The following PRR16 variants were observed in gnomAD, a reference collection of about 807,000 sequenced individuals.
The protein encoded by PRR16 is proline rich 16, also known as protein Largen.
Under a neutral mutation model 18.2 loss-of-function variants are expected in PRR16, and 6 were observed. That is an observed-to-expected ratio of 0.33 (90% CI 0.18 to 0.65). The LOEUF (loss-of-function observed/expected upper bound fraction) is 0.65, where lower values mean the gene tolerates loss of function less well. PRR16 is among the 30% of genes least tolerant of loss of function. PRR16 has a pLI of 0.74. For missense variants in PRR16, 412 were observed against 376.6 expected, an observed-to-expected ratio of 1.09 and a Z score of -0.78; for synonymous variants, 151 against 147.8, an observed-to-expected ratio of 1.02 and a Z score of -0.16.
intron 1 of PRR16, among the ~76,000 whole-genome samples, chr5:120,532,478 ATAAT>A (rs1223672698): frequency 6.6e-6 from 1 of 152,040 alleles, no homozygotes; most frequent in Non-Finnish European, 1.5e-5. Context: ...CTTTATAGAG[ATAAT>A]TAAATTAATT....
chr5:120,747,887 T>C, the PRR16 span, among the ~76,000 whole-genome samples: 1 of 152,138 alleles, frequency 6.6e-6, no homozygotes, highest in South Asian at 2.1e-4. Flanking sequence ...CAATTATGCG[T>C]ACTCTTAGTT....
At chr5:120,588,720 A>G (rs888550027) in intron 1 of PRR16, among the ~76,000 whole-genome samples, 1 of 152,272 alleles carries the variant, frequency 6.6e-6, no homozygotes, top group South Asian at 2.1e-4. Context: ...ATATTTGTAA[A>G]TTATATGCCT....
At chr5:120,559,623 CT>C (rs1752516104) in intron 1 of PRR16, among the ~76,000 whole-genome samples, 1 of 151,690 alleles carries the variant, frequency 6.6e-6, no homozygotes, top group Non-Finnish European at 1.5e-5. Context: ...GTAGCTTTGG[CT>C]GTTCTGGGTC....
chr5:120,754,272 AAT>A, the PRR16 span, among the ~76,000 whole-genome samples: 2 of 84,564 alleles, frequency 2.4e-5, no homozygotes, highest in African/African-American at 1.2e-4. Context: ...ATAAATATAA[AAT>A]AATATATAAA....
At chr5:120,487,467 A>G (rs1256476842) in intron 1 of PRR16, among the ~76,000 whole-genome samples, 1 of 152,094 alleles carries the variant, frequency 6.6e-6, no homozygotes, top group Non-Finnish European at 1.5e-5. Context: ...TTGGTGTATA[A>G]GAATGCTTGT....
At chr5:120,600,489 A>G (rs944253377) in intron 1 of PRR16, among the ~76,000 whole-genome samples, 2 of 151,920 alleles carry the variant, frequency 1.3e-5, no homozygotes, top group African/African-American at 2.4e-5. Context: ...TAAGAGCAGC[A>G]TGTAAGAGGT....
rs1416916340 is a variant in PRR16, at chr5:120,574,617, A to G, written c.159+109972A>G. Among the ~76,000 whole-genome samples, 8 of 149,534 alleles carry G rather than the reference A, an allele frequency of 5.3e-5. 1 individual carries two copies. Among genetic ancestry groups the G allele is most frequent in the African/African-American group, 2.1e-4 (8 of 38,924 alleles). On this transcript the variant is annotated intron_variant, in intron 1 of 1. Transcript: ENST00000407149. ...ACTCTGTCTCAAAAACAAAAACAACAACGACGAAAAAAGGATATCCAAATT... is the reference window on the plus strand; with the variant it reads ...ACTCTGTCTCAAAAACAAAAACAACGACGACGAAAAAAGGATATCCAAATT...
At chr5:120,545,654 A>G (rs935139074) in intron 1 of PRR16, among the ~76,000 whole-genome samples, 1 of 152,124 alleles carries the variant, frequency 6.6e-6, no homozygotes, top group Non-Finnish European at 1.5e-5. Context: ...GTGGAGAAAT[A>G]TCCTAAAACC....
rs115305671 is a variant in PRR16, at chr5:120,468,087, C to T, written c.159+3442C>T. Among the ~76,000 whole-genome samples, 478 of 152,014 alleles carry T rather than the reference C, an allele frequency of 3.1e-3. 4 individuals are homozygous for T. Among genetic ancestry groups the T allele is most frequent in the African/African-American group, 0.011 (462 of 41,488 alleles). ...ACTCTCACTGCAGGCTTGGGGAAAT[C>T]GAGAATTGAGAATGAGAGTGAGTAT... is the stretch of plus-strand genomic sequence containing the variant. On this transcript the variant is annotated intron_variant, in intron 1 of 1. Transcript: ENST00000407149.
intron 1 of PRR16, among the ~76,000 whole-genome samples, chr5:120,467,382 GTCA>G (rs1749137378): frequency 6.6e-6 from 1 of 152,140 alleles, no homozygotes; most frequent in African/African-American, 2.4e-5. Context: ...CACTATGGCA[GTCA>G]TCATATAGTA....
rs1254605371 is a variant in PRR16, at chr5:120,540,631, C to T, written c.159+75986C>T. Among the ~76,000 whole-genome samples the T allele has an allele frequency of 2.0e-5, 3 of 152,250 alleles. No individual in the cohort carries two copies. In the East Asian group the frequency reaches 5.8e-4, roughly 29 times the overall value. ...TTGGTCTGTCCTGACCAACTCTTTC[C>T]CATCCTTCAAGACAATTTATTTATG... On this transcript the variant is annotated intron_variant, in intron 1 of 1. Transcript: ENST00000407149.
chr5:120,700,993 TA>T, the PRR16 span, among the ~76,000 whole-genome samples: 3 of 152,124 alleles, frequency 2.0e-5, no homozygotes, highest in African/African-American at 7.2e-5. Flanking sequence ...GGACACAGCT[TA>T]GGAGGAATCC....
chr5:120,791,627 CCATCTAT>C, the PRR16 span, among the ~76,000 whole-genome samples: 2 of 147,544 alleles, frequency 1.4e-5, no homozygotes, highest in African/African-American at 2.5e-5. Context: ...ATCTATCCAT[CCATCTAT>C]CATCTATCTA....
chr5:120,706,280 T>G, the PRR16 span, among the ~76,000 whole-genome samples: 1 of 152,232 alleles, frequency 6.6e-6, no homozygotes, highest in Admixed American at 6.5e-5. Flanking sequence ...GGCCTCCTGA[T>G]GTAATGACAT....
intron 1 of PRR16, among the ~76,000 whole-genome samples, chr5:120,568,923 A>G (rs751624178): frequency 6.6e-6 from 1 of 152,070 alleles, no homozygotes; most frequent in Non-Finnish European, 1.5e-5. Flanking sequence ...AACAAACACA[A>G]TAGCATCACC....
downstream of PRR16, among the ~76,000 whole-genome samples, chr5:120,688,058 T>C (rs17146935): frequency 0.3 from 46,074 of 152,040 alleles, 7,327 homozygotes; most frequent in Middle Eastern, 0.45. Context: ...TGATAAAGAA[T>C]CCAATGACTT....
chr5:120,556,077 A>T (rs1488521462), intron 1 of PRR16, among the ~76,000 whole-genome samples: 1 of 151,748 alleles, frequency 6.6e-6, no homozygotes, highest in African/African-American at 2.4e-5. Flanking sequence ...TAAATGGCAT[A>T]GAATAGAACT....
intron 1 of PRR16, among the ~76,000 whole-genome samples, chr5:120,527,820 T>C (rs186226523): frequency 6.6e-6 from 1 of 152,146 alleles, no homozygotes; most frequent in Non-Finnish European, 1.5e-5. Flanking sequence ...TCAAAGGCAA[T>C]GCCAAATGAT....
intron 1 of PRR16, among the ~76,000 whole-genome samples, chr5:120,609,085 C>A (rs963086211): frequency 6.6e-6 from 1 of 151,066 alleles, no homozygotes; most frequent in African/African-American, 2.4e-5. Context: ...AAGAGATGTT[C>A]TTTTTTTTTC....
Sources: gnomAD v4.1 joint callset for allele counts (sites outside exome capture counted in the v4.1 genomes callset) on GRCh38, gnomAD v4.1.1 for gene constraint, MANE v1.5 for transcripts, NCBI Gene and HGNC (gene_info 2026-07-23, HGNC 2026-07-21) for gene names.